The following USP20 variants were observed in gnomAD, a reference collection of about 807,000 sequenced individuals.
USP20 encodes the protein ubiquitin specific peptidase 20, also known as ubiquitin carboxyl-terminal hydrolase 20.
In USP20, 80 loss-of-function variants were observed where a neutral mutation model predicts 124.2. That is an observed-to-expected ratio of 0.64 (90% CI 0.54 to 0.78). The LOEUF is 0.78. USP20 is among the 30% of genes least tolerant of loss of function. The probability of loss-of-function intolerance (pLI) is 0.00; values close to 1 mark genes in which losing one functional copy is unlikely to be tolerated. For missense variants in USP20, 1,043 were observed against 1,244.4 expected (o/e 0.84, Z 2.44); for synonymous variants, 481 against 512.3 (o/e 0.94, Z 0.83).
rs761751263 is a variant in USP20 at position 129,879,650 on chromosome 9, T to C, written c.2584+6T>C. 1.9e-6 allele frequency: 3 copies of C among 1,613,682 alleles called. No homozygotes were observed. Among genetic ancestry groups the C allele is most frequent in the South Asian group, 1.1e-5 (1 of 91,076 alleles). ...CCATGTCCAGCTGAAGCAGGGTGAGTTCCCCCTGGGGTCAGCCAGGCTCCT... is the reference window on the plus strand; with the variant it reads ...CCATGTCCAGCTGAAGCAGGGTGAGCTCCCCCTGGGGTCAGCCAGGCTCCT... On this transcript the variant is annotated splice_donor_region_variant and intron_variant, in intron 24 of 25. Coordinates refer to ENST00000372429, the MANE Select transcript of USP20 (RefSeq NM_001110303.4). This position sits in a 1 kb window ranked among gnomAD's most constrained non-coding sequence, Gnocchi z 4.2.
chr9:129,852,509 T>A (rs1564201258), intron 2 of USP20, 31 bp from the exon 3 acceptor site: 2 of 1,553,148 alleles, frequency 1.3e-6, no homozygotes, highest in African/African-American at 1.4e-5. Flanking sequence ...CTGGCTGCCA[T>A]TAACCCGGGA....
Position 129,868,890 on chromosome 9 carries a change from C to T in USP20, c.1164C>T (p.Ser388=), listed in dbSNP as rs758187602. ...PEPDNDAHLR[S]SSRPCSPVHH... is the part of the protein sequence containing the mutation. Reference sequence around the variant, plus strand: ...CGGACAATGATGCTCACCTACGCAGCTCCTCTCGCCCCTGCAGCCCCGTCC... The same window carrying T: ...CGGACAATGATGCTCACCTACGCAGTTCCTCTCGCCCCTGCAGCCCCGTCC... Residue 388 remains serine (S), a synonymous_variant, in exon 12 of 26, where the codon AGC becomes AGT. Transcript: ENST00000372429. 1.3e-6 allele frequency: 2 copies of T among 1,598,618 alleles called. No individual in the cohort carries two copies. Among genetic ancestry groups the T allele is most frequent in the African/African-American group, 1.3e-5 (1 of 74,472 alleles).
rs1187795922 is a variant in USP20, at chr9:129,858,585, A to G, written c.317A>G (p.Lys106Arg). ...LAAPLLGSSS[K>R]FSEQDSPPPS... ...GCCCCTCTGCTGGGCTCCTCTTCCA[A>G]GTTCTCTGAACAGGTAACCTGTGTG... The change falls in exon 6 of 26, where the codon AAG becomes AGG. Residue 106 changes from lysine to arginine, a missense_variant. By Grantham distance (26) the Lys-to-Arg change is conservative. Transcript: ENST00000372429. The G allele has an allele frequency of 6.2e-7, 1 of 1,613,800 alleles. No individual in the cohort carries two copies. Among genetic ancestry groups the G allele is most frequent in the African/African-American group, 1.3e-5 (1 of 74,904 alleles).
At chr9:129,862,955 G>GATAAA (rs10625800) in intron 8 of USP20, among the ~76,000 whole-genome samples, 143,598 of 151,018 alleles carry the variant, frequency 0.95, 68,698 homozygotes, top group East Asian at 1. Context: ...GATAAGATGA[G>GATAAA]ATAAAATAAA....
intron 1 of USP20, among the ~76,000 whole-genome samples, chr9:129,840,954 A>G (rs1385147885): frequency 6.6e-6 from 1 of 151,998 alleles, no homozygotes; most frequent in Non-Finnish European, 1.5e-5. Flanking sequence ...TATTTTTAGT[A>G]GAGACGGGGT....
In USP20 at chr9:129,881,755, G is replaced by A. The variant is rs2034645202; in HGVS notation, c.*1305G>A. Reference sequence around the variant, plus strand: ...CGCGACGCAGAGAGGCTTCTGTGCAGGCTGGGATCGGGCCCCATGTCTGTG... The same window carrying A: ...CGCGACGCAGAGAGGCTTCTGTGCAAGCTGGGATCGGGCCCCATGTCTGTG... On this transcript the variant is annotated 3_prime_UTR_variant, in exon 26 of 26. Coordinates refer to ENST00000372429, the MANE Select transcript of USP20 (RefSeq NM_001110303.4). 1 of 152,308 alleles carries A rather than the reference G, an allele frequency of 6.6e-6. No individual in the cohort carries two copies. Among genetic ancestry groups the A allele is most frequent in the Admixed American group, 6.5e-5 (1 of 15,294 alleles). 9.4% of individuals were successfully genotyped at this position (152,308 alleles called of 1,614,324 possible).
At chr9:129,878,198 G>C in intron 22 of USP20, 140 bp from the exon 23 acceptor site, 1 of 692,436 alleles carries the variant, frequency 1.4e-6, no homozygotes, top group Non-Finnish European at 2.6e-6. Flanking sequence ...CTGGGGGTTT[G>C]ATTTTTCACC....
chr9:129,861,750 C>T (rs572767687), intron 8 of USP20, 138 bp downstream of exon 8: 2 of 702,048 alleles, frequency 2.8e-6, no homozygotes, highest in South Asian at 3.5e-5. Context: ...CATGTATACC[C>T]TTTGACCCAG....
Position 129,875,394 on chromosome 9 carries a change from C to G in USP20, c.2133C>G (p.Tyr711Ter), listed in dbSNP as rs778913001. 8.7e-6 allele frequency: 14 copies of G among 1,613,436 alleles called. No homozygotes were observed. The highest frequency in any genetic ancestry group is 1.1e-5 in the Non-Finnish European group (13 of 1,179,970). Residue 711 changes from tyrosine (Y) to a stop codon, truncating the protein, a stop_gained, in exon 20 of 26, where the codon TAC (tyrosine) becomes TAG (stop). Transcript: ENST00000372429. LOFTEE classifies it high-confidence loss of function. ...AMREPSLLRF[Y>*]VSREWLNKFN... ...GGGAGCCCAGCCTGCTGCGGTTCTA[C>G]GTGTCCCGCGAGTGGCTCAACAAGT... is the stretch of plus-strand genomic sequence containing the variant.
Position 129,879,215 on chromosome 9 carries a change from G to A in USP20, c.2513-358G>A, listed in dbSNP as rs1243982239. ...TGGTTACTTCACCTTCCCAGGCCTC[G>A]GCTCTGTCTCTGTAAACCTCTGTCT... On this transcript the variant is annotated intron_variant, in intron 23 of 25. Transcript: ENST00000372429. This position sits in a 1 kb window ranked among gnomAD's most constrained non-coding sequence, Gnocchi z 4.2. Among the ~76,000 whole-genome samples the A allele has an allele frequency of 3.9e-5, 6 of 152,188 alleles. No individual in the cohort carries two copies. The highest frequency in any genetic ancestry group is 5.9e-5 in the Non-Finnish European group (4 of 68,036).
At chr9:129,858,224 T>A in intron 5 of USP20, 112 bp downstream of exon 5, 1 of 1,255,646 alleles carries the variant, frequency 8.0e-7, no homozygotes, top group Non-Finnish European at 1.1e-6. Flanking sequence ...AATGGTGTCA[T>A]CCTAGCATAG....
chr9:129,867,181 C>T (rs975338810), intron 10 of USP20, among the ~76,000 whole-genome samples: 18 of 152,182 alleles, frequency 1.2e-4, no homozygotes, highest in African/African-American at 4.1e-4. Flanking sequence ...ACCACCCGAG[C>T]ACCCGCTAGC....
Position 129,858,518 on chromosome 9 carries a change from T to TA in USP20, c.251dup (p.Tyr84Ter), listed in dbSNP as rs781726860. 1.2e-6 allele frequency: 2 copies of TA among 1,614,230 alleles called. No individual in the cohort carries two copies. The highest frequency in any genetic ancestry group is 1.1e-5 in the South Asian group (1 of 91,090). The change falls in exon 6 of 26, where the codon TAC (tyrosine) becomes TAAC (stop). Residue 84 changes from tyrosine (Y) to a stop codon, truncating the protein, a stop_gained and frameshift_variant. Transcript: ENST00000372429. LOFTEE classifies it high-confidence loss of function. Reference sequence around the variant, plus strand: ...CCTGACCACGTTCCGACTGTGGTGTTACGCCTGTGAGAAGGAGGTATTCCT... The same window carrying TA: ...CCTGACCACGTTCCGACTGTGGTGTTAACGCCTGTGAGAAGGAGGTATTCCT... ...VNLTTFRLWC[Y>*]ACEKEVFLEQ... is the part of the protein sequence containing the mutation.
At chr9:129,847,174 T>C (rs2032625956) in intron 1 of USP20, among the ~76,000 whole-genome samples, 1 of 152,194 alleles carries the variant, frequency 6.6e-6, no homozygotes, top group South Asian at 2.1e-4. Flanking sequence ...TGCTCAATAG[T>C]GTGGTACTAT....
chr9:129,877,568 T>C (rs751952968), intron 22 of USP20, among the ~76,000 whole-genome samples: 3 of 151,594 alleles, frequency 2.0e-5, no homozygotes, highest in Non-Finnish European at 2.9e-5. Flanking sequence ...CCTAGTGGTA[T>C]GCACCTGTGG....
At chr9:129,835,766 C>G (rs3758336) in intron 1 of USP20, 1,816 of 152,586 alleles carry the variant, frequency 0.012, 17 homozygotes, top group Middle Eastern at 0.024. Flanking sequence ...CCGCCCCCCT[C>G]TCATTTCTGC....
At chr9:129,871,696 CATT>C (rs943085039) in intron 15 of USP20, among the ~76,000 whole-genome samples, 3 of 152,086 alleles carry the variant, frequency 2.0e-5, no homozygotes, top group Admixed American at 6.6e-5. Flanking sequence ...GGTGGTATCT[CATT>C]GTGCGTTTTT....
Position 129,869,743 on chromosome 9 carries a change from C to T in USP20, c.1464C>T (p.Leu488=). 1 of 1,614,092 alleles carries T rather than the reference C, an allele frequency of 6.2e-7. No homozygotes were observed. The highest frequency in any genetic ancestry group is 2.2e-5 in the East Asian group (1 of 44,876). ...CTGGAAAGGAGGACCTGGCCAAGCTCCATTCAGCCATCTACCAGAATGTGC... is the reference window on the plus strand; with the variant it reads ...CTGGAAAGGAGGACCTGGCCAAGCTTCATTCAGCCATCTACCAGAATGTGC... The part of the protein sequence containing the change: ...PIPGKEDLAK[L]HSAIYQNVPA... The change falls in exon 14 of 26, where the codon CTC becomes CTT. Residue 488 remains leucine (L), a synonymous_variant. Transcript: ENST00000372429.
At chr9:129,866,720 G>A (rs139042434) in intron 10 of USP20, among the ~76,000 whole-genome samples, 2 of 152,322 alleles carry the variant, frequency 1.3e-5, no homozygotes, top group South Asian at 2.1e-4. Flanking sequence ...ACGCAGCTGC[G>A]GGCGCCTCTT....
Sources: gnomAD v4.1 joint callset for allele counts (sites outside exome capture counted in the v4.1 genomes callset) on GRCh38, gnomAD v4.1.1 for gene constraint, Gnocchi (gnomAD v3.1) non-coding constraint, MANE v1.5 for transcripts, NCBI Gene and HGNC (gene_info 2026-07-23, HGNC 2026-07-21) for gene names.